Variants in CCDC178 observed in about 807,000 individuals in gnomAD.
The protein encoded by CCDC178 is coiled-coil domain containing 178.
CCDC178 carries 126 observed loss-of-function variants against 117.4 expected under a neutral mutation model. The ratio of observed to expected loss-of-function variants is 1.07; its 90% CI spans 0.93 to 1.24. The LOEUF (loss-of-function observed/expected upper bound fraction) is 1.24, where lower values mean the gene tolerates loss of function less well. Ranked by LOEUF, CCDC178 falls within the 50% of genes most tolerant of loss-of-function variation. The pLI, the probability that CCDC178 is intolerant of heterozygous loss-of-function variation, is 0.00. For synonymous variants in CCDC178, 283 were observed against 313.4 expected, an observed-to-expected ratio of 0.90 and a Z score of 1.02; for missense variants, 1,030 against 986.9, an observed-to-expected ratio of 1.04 and a Z score of -0.59.
chr18:33,161,597 C>A (rs2058464222), intron 20 of CCDC178, among the ~76,000 whole-genome samples: 2 of 152,160 alleles, frequency 1.3e-5, no homozygotes, highest in Admixed American at 1.3e-4. Context: ...GGAATCCTCT[C>A]TCGATCTTAT....
At chr18:33,263,656 C>T (rs58050497) in intron 14 of CCDC178, among the ~76,000 whole-genome samples, 1 of 151,842 alleles carries the variant, frequency 6.6e-6, no homozygotes, top group African/African-American at 2.4e-5. Flanking sequence ...AATTTCTTAC[C>T]ACAAACGTGT....
intron 12 of CCDC178, among the ~76,000 whole-genome samples, chr18:33,290,892 A>G (rs973258889): frequency 1.1e-4 from 16 of 152,274 alleles, no homozygotes; most frequent in African/African-American, 3.8e-4. Flanking sequence ...CTTGTTTTCT[A>G]TATTATAAAA....
At chr18:33,427,654 C>T (rs983338434) in intron 2 of CCDC178, among the ~76,000 whole-genome samples, 9 of 152,072 alleles carry the variant, frequency 5.9e-5, no homozygotes, top group Non-Finnish European at 1.0e-4. Context: ...AGCACATCTT[C>T]GGAAAGATTA....
intron 21 of CCDC178, among the ~76,000 whole-genome samples, chr18:33,059,862 T>C (rs542801276): frequency 6.6e-6 from 1 of 152,118 alleles, no homozygotes; most frequent in Non-Finnish European, 1.5e-5. Flanking sequence ...CTTCCCATTG[T>C]CTGTGGAATA....
intron 20 of CCDC178, among the ~76,000 whole-genome samples, chr18:33,105,693 T>C (rs2057696243): frequency 6.6e-6 from 1 of 151,596 alleles, no homozygotes; most frequent in Non-Finnish European, 1.5e-5. Flanking sequence ...AGAAAAATAA[T>C]AAGGTTTCCA....
At chr18:33,415,962 T>C (rs2063934513) in intron 2 of CCDC178, among the ~76,000 whole-genome samples, 1 of 152,118 alleles carries the variant, frequency 6.6e-6, no homozygotes, top group Non-Finnish European at 1.5e-5. Context: ...CTTTGTATAT[T>C]CCAAACTTGA....
intron 20 of CCDC178, among the ~76,000 whole-genome samples, chr18:33,130,782 CAGGTAGGTGACAT>C (rs2058061741): frequency 6.6e-6 from 1 of 151,928 alleles, no homozygotes; most frequent in African/African-American, 2.4e-5. Context: ...GGCTATCAGA[CAGGTAGGTGACAT>C]AGGCAGGCTA....
intron 21 of CCDC178, among the ~76,000 whole-genome samples, chr18:33,039,755 C>T (rs1404107322): frequency 1.3e-5 from 2 of 151,836 alleles, no homozygotes; most frequent in African/African-American, 2.4e-5. Context: ...TACAATGACC[C>T]TTCAGAAACG....
At chr18:33,426,912 G>C (rs1250363221) in intron 2 of CCDC178, among the ~76,000 whole-genome samples, 1 of 151,964 alleles carries the variant, frequency 6.6e-6, no homozygotes, top group Non-Finnish European at 1.5e-5. Flanking sequence ...ATCAAAGTTT[G>C]AGTTATTGTT....
chr18:33,067,214 T>G (rs1382348247), intron 21 of CCDC178, among the ~76,000 whole-genome samples: 1 of 152,142 alleles, frequency 6.6e-6, no homozygotes, highest in Non-Finnish European at 1.5e-5. Context: ...TTGGAAACTG[T>G]GCAAATACAT....
At position 33,245,316 on chromosome 18, in the gene CCDC178, G is replaced by A. The variant is rs749917204; in HGVS notation, c.1522C>T (p.Leu508Phe). ...GTCTTGTGTTTGGTTAGGTGGAAAA[G>A]AGTACCAATGCGATAAGCCTCCTTA... is the stretch of plus-strand genomic sequence containing the variant. ...IYKEAYRIGT[L>F]FHLTKHKTDE... The change falls in exon 15 of 23, where the codon CTT becomes TTT. Residue 508 changes from leucine (L) to phenylalanine (F), a missense_variant. Coordinates refer to ENST00000383096, the MANE Select transcript of CCDC178 (RefSeq NM_001105528.4). 11 of 1,607,322 alleles carry A rather than the reference G, an allele frequency of 6.8e-6. No homozygotes were observed. Among genetic ancestry groups the A allele is most frequent in the South Asian group, 1.1e-5 (1 of 89,612 alleles).
chr18:33,305,023 G>T (rs1318727399), intron 11 of CCDC178, among the ~76,000 whole-genome samples: 1 of 152,114 alleles, frequency 6.6e-6, no homozygotes, highest in Non-Finnish European at 1.5e-5. Flanking sequence ...TCTGTGTTCT[G>T]CACTGCTTGA....
chr18:33,325,392 C>T (rs2062570629), intron 10 of CCDC178, among the ~76,000 whole-genome samples: 1 of 151,862 alleles, frequency 6.6e-6, no homozygotes, highest in Admixed American at 6.6e-5. Context: ...TATTTTTCTT[C>T]TCTTACACTG....
chr18:33,137,503 T>C (rs1309834326), intron 20 of CCDC178, among the ~76,000 whole-genome samples: 1 of 152,224 alleles, frequency 6.6e-6, no homozygotes, highest in Non-Finnish European at 1.5e-5. Flanking sequence ...TAGTCTGAGC[T>C]GACGTTTGTT....
intron 14 of CCDC178, among the ~76,000 whole-genome samples, chr18:33,251,538 G>A (rs544261532): frequency 3.6e-4 from 55 of 151,796 alleles, no homozygotes; most frequent in African/African-American, 1.3e-3. Context: ...AAACATGAGG[G>A]CCTCTAATTG....
At chr18:33,377,627 C>T (rs985373758) in intron 5 of CCDC178, among the ~76,000 whole-genome samples, 13 of 152,006 alleles carry the variant, frequency 8.6e-5, no homozygotes, top group East Asian at 1.9e-4. Flanking sequence ...TTTTTGTATA[C>T]GGTGAAAGGG....
chr18:33,020,979 A>T (rs1179247294), intron 21 of CCDC178, among the ~76,000 whole-genome samples: 1 of 152,236 alleles, frequency 6.6e-6, no homozygotes, highest in Non-Finnish European at 1.5e-5. Flanking sequence ...CTCTACAGAA[A>T]AACAATCAGT....
chr18:33,047,565 T>G (rs2056667147), intron 21 of CCDC178, among the ~76,000 whole-genome samples: 1 of 152,186 alleles, frequency 6.6e-6, no homozygotes, highest in East Asian at 1.9e-4. Context: ...TGGCCAAATA[T>G]TGCTTAGGGT....
At chr18:32,992,653 T>A (rs1463992824) in intron 21 of CCDC178, among the ~76,000 whole-genome samples, 2 of 152,220 alleles carry the variant, frequency 1.3e-5, no homozygotes, top group African/African-American at 4.8e-5. Context: ...AAATAGATTT[T>A]AAGCATGATC....
Sources: gnomAD v4.1 joint callset for allele counts (sites outside exome capture counted in the v4.1 genomes callset) on GRCh38, gnomAD v4.1.1 for gene constraint, MANE v1.5 for transcripts, NCBI Gene and HGNC (gene_info 2026-07-23, HGNC 2026-07-21) for gene names.